Variants in INPP5K observed in about 807,000 individuals in gnomAD.
INPP5K encodes inositol polyphosphate 5-phosphatase K.
In INPP5K, 35 loss-of-function variants were observed where a neutral mutation model predicts 53.5. The ratio of observed to expected loss-of-function variants is 0.65; its 90% CI spans 0.50 to 0.87. INPP5K has a LOEUF of 0.87. INPP5K is among the 40% of genes least tolerant of loss of function. The pLI is 0.00. For missense variants in INPP5K, 550 were observed against 586.2 expected (o/e 0.94, Z 0.64); for synonymous variants, 253 against 232.8 (o/e 1.09, Z -0.79).
intron 6 of INPP5K, chr17:1,507,834 C>A: frequency 3.6e-6 from 1 of 276,126 alleles, no homozygotes; most frequent in Middle Eastern, 1.3e-3. Flanking sequence ...CATAAGCCAC[C>A]GTGCCCGGCC....
intron 7 of INPP5K, among the ~76,000 whole-genome samples, chr17:1,499,528 T>C (rs551642734): frequency 4.6e-5 from 7 of 152,282 alleles, no homozygotes; most frequent in African/African-American, 1.7e-4. Context: ...ACCTCCCACC[T>C]GTTCTTCACT....
At chr17:1,506,305 G>A (rs1215899914) in intron 7 of INPP5K, among the ~76,000 whole-genome samples, 1 of 152,170 alleles carries the variant, frequency 6.6e-6, no homozygotes, top group Non-Finnish European at 1.5e-5. Context: ...GATTACAGGT[G>A]TGAGCCACCG....
chr17:1,496,358 G>A lies in INPP5K; in HGVS notation c.1146C>T (p.Val382=), dbSNP rs566828608. ...CGCTGCAGGAGACCTTGCTGTCCCC[G>A]ACCCAGGCATAGGACACGTAGTCAT... ...DVNDYVSYAW[V]GDSKVSCSDN... Residue 382 remains valine, a synonymous_variant, in exon 10 of 12, where the codon GTC becomes GTT. Coordinates refer to ENST00000421807, the MANE Select transcript of INPP5K (RefSeq NM_016532.4). 87 of 1,564,154 alleles carry A rather than the reference G, an allele frequency of 5.6e-5. No individual in the cohort carries two copies. Among genetic ancestry groups the A allele is most frequent in the African/African-American group, 1.6e-4 (12 of 73,972 alleles).
chr17:1,495,966 C>T (rs1425657454), intron 11 of INPP5K, 87 bp from the exon 12 acceptor site: 18 of 1,417,928 alleles, frequency 1.3e-5, no homozygotes, highest in Non-Finnish European at 1.8e-5. Context: ...GCAGCGGCCC[C>T]TCATGTACCG....
intron 1 of INPP5K, among the ~76,000 whole-genome samples, 168 bp from the exon 2 acceptor site, chr17:1,514,147 A>G (rs2150994960): frequency 6.6e-6 from 1 of 151,994 alleles, no homozygotes; most frequent in East Asian, 1.9e-4. Flanking sequence ...ACATGGTGAA[A>G]CCCCGTCTCT....
chr17:1,500,958 CT>C (rs546504445), intron 7 of INPP5K, among the ~76,000 whole-genome samples: 3,235 of 135,252 alleles, frequency 0.024, 90 homozygotes, highest in African/African-American at 0.067. Context: ...TATTCAACTG[CT>C]TTTTTTTTTT....
Position 1,496,809 on chromosome 17 carries a change from C to G in INPP5K, c.964-6G>C. On this transcript the variant is annotated splice_polypyrimidine_tract_variant and splice_region_variant and intron_variant, in intron 8 of 11. Coordinates refer to ENST00000421807, the MANE Select transcript of INPP5K (RefSeq NM_016532.4). ...GCAGACACCAATGGCTTCAGCTAGA[C>G]ACGGGGGTGGGAAGGGGGCTGAATC... 4 of 1,613,754 alleles carry G rather than the reference C, an allele frequency of 2.5e-6. No individual in the cohort carries two copies. The highest frequency in any genetic ancestry group is 3.4e-6 in the Non-Finnish European group (4 of 1,179,848).
chr17:1,511,443 G>A (rs959843632), intron 3 of INPP5K, among the ~76,000 whole-genome samples: 1 of 152,200 alleles, frequency 6.6e-6, no homozygotes, highest in Admixed American at 6.5e-5. Flanking sequence ...AGAATGAAGT[G>A]TGGAGGCCAA....
chr17:1,507,291 A>G (rs926665032), intron 6 of INPP5K: 34 of 565,892 alleles, frequency 6.0e-5, no homozygotes, highest in South Asian at 3.3e-4. Flanking sequence ...AACATTACCA[A>G]GGCCCAGGGG....
At chr17:1,497,228 A>G (rs983564616) in intron 8 of INPP5K, among the ~76,000 whole-genome samples, 1 of 152,240 alleles carries the variant, frequency 6.6e-6, no homozygotes, top group Non-Finnish European at 1.5e-5. Context: ...GCTCACACCC[A>G]TAATCCCAAC....
chr17:1,496,126 A>G lies in INPP5K; in HGVS notation c.1224T>C (p.Asp408=). 1.2e-6 allele frequency: 2 copies of G among 1,612,722 alleles called. No individual in the cohort carries two copies. Among genetic ancestry groups the G allele is most frequent in the Non-Finnish European group, 1.7e-6 (2 of 1,178,786 alleles). Residue 408 remains aspartate, a synonymous_variant, in exon 11 of 12, where the codon GAT becomes GAC. Coordinates refer to ENST00000421807, the MANE Select transcript of INPP5K (RefSeq NM_016532.4). ...TGCTGTAGTAACAGAGGAGAAACTC[A>G]TCTTCAGTGGTAGGGATATTGCTGA... is the stretch of plus-strand genomic sequence containing the variant. ...IDISNIPTTE[D]EFLLCYYSNS...
chr17:1,508,605 A>T, intron 5 of INPP5K: 1 of 304,006 alleles, frequency 3.3e-6, no homozygotes. Context: ...AGGGGACCCC[A>T]GGCAGGCAAA....
At chr17:1,497,227 C>G (rs796850433) in intron 8 of INPP5K, among the ~76,000 whole-genome samples, 3 of 152,342 alleles carry the variant, frequency 2.0e-5, no homozygotes, top group African/African-American at 7.2e-5. Flanking sequence ...GGCTCACACC[C>G]ATAATCCCAA....
chr17:1,505,374 C>T (rs952688848), intron 7 of INPP5K, among the ~76,000 whole-genome samples: 2 of 152,176 alleles, frequency 1.3e-5, no homozygotes, highest in African/African-American at 4.8e-5. Flanking sequence ...ACCCCCTCCC[C>T]ACCCAAGGCC....
At position 1,509,148 on chromosome 17, in the gene INPP5K, C is replaced by T. The variant is rs763413692; in HGVS notation, c.554+30G>A. The T allele has an allele frequency of 2.0e-5, 28 of 1,388,330 alleles. 1 individual carries two copies. The highest frequency in any genetic ancestry group is 1.9e-4 in the East Asian group (7 of 36,620). The allele number at this position is 1,388,330 out of a possible 1,614,324, so 86.0% of individuals were successfully genotyped here. On this transcript the variant is annotated intron_variant, in intron 5 of 11. Transcript: ENST00000421807. ...GTGGGGGTTAGCGTGGGGCAGAGGGCGGGGAACGGTCTGCCAGACCCAGGC... is the reference window on the plus strand; with the variant it reads ...GTGGGGGTTAGCGTGGGGCAGAGGGTGGGGAACGGTCTGCCAGACCCAGGC...
At position 1,509,791 on chromosome 17, in the gene INPP5K, A is replaced by G. The variant is rs1442447482; in HGVS notation, c.270T>C (p.His90=). 6.2e-7 allele frequency: 1 copy of G among 1,605,398 alleles called. No individual in the cohort carries two copies. The highest frequency in any genetic ancestry group is 8.5e-7 in the Non-Finnish European group (1 of 1,172,822). The change falls in exon 4 of 12, where the codon CAT becomes CAC. Residue 90 remains histidine (H), a synonymous_variant. Transcript: ENST00000421807. The part of the protein sequence containing the change: ...LSPLSFIKVS[H]VRMQGILLLV... ...GTAAGAGGATCCCCTGCATACGGAC[A>G]TGGGAGACCTGCAGGAGAGAGAGGG...
At chr17:1,516,402 A>G (rs2075439461) in intron 1 of INPP5K, 54 bp downstream of exon 1, 4 of 1,544,812 alleles carry the variant, frequency 2.6e-6, no homozygotes, top group Non-Finnish European at 3.5e-6. Flanking sequence ...CCCGCAGCCC[A>G]AGGGGCGCCG....
At chr17:1,505,177 G>A (rs2075125209) in intron 7 of INPP5K, among the ~76,000 whole-genome samples, 1 of 152,132 alleles carries the variant, frequency 6.6e-6, no homozygotes, top group African/African-American at 2.4e-5. Flanking sequence ...CCCAGCTGGA[G>A]TGCAGTGAGT....
chr17:1,502,525 C>T, intron 7 of INPP5K, among the ~76,000 whole-genome samples: 1 of 141,980 alleles, frequency 7.0e-6, no homozygotes, highest in Non-Finnish European at 1.5e-5. Context: ...GGACTCTCAG[C>T]CCACCCCCAC....
Sources: gnomAD v4.1 joint callset for allele counts (sites outside exome capture counted in the v4.1 genomes callset) on GRCh38, gnomAD v4.1.1 for gene constraint, MANE v1.5 for transcripts, NCBI Gene and HGNC (gene_info 2026-07-23, HGNC 2026-07-21) for gene names.